The following ITCH variants were observed in gnomAD, a reference collection of about 807,000 sequenced individuals.
ITCH encodes itchy E3 ubiquitin protein ligase.
ITCH carries 28 observed loss-of-function variants against 126.8 expected under a neutral mutation model. The ratio of observed to expected loss-of-function variants is 0.22; its 90% CI spans 0.16 to 0.30. ITCH has a LOEUF of 0.30. Among genes scored for constraint, ITCH ranks in the 10% least tolerant of loss-of-function variants. ITCH has a pLI of 1.00. For synonymous variants in ITCH, 342 were observed against 340.0 expected, an observed-to-expected ratio of 1.01 and a Z score of -0.06; for missense variants, 631 against 1,032.4, an observed-to-expected ratio of 0.61 and a Z score of 5.33.
At chr20:34,392,872 C>A (rs912572692) in intron 2 of ITCH, among the ~76,000 whole-genome samples, 6 of 152,088 alleles carry the variant, frequency 3.9e-5, no homozygotes, top group African/African-American at 7.2e-5. Context: ...AGGACCCCCC[C>A]AGCCCGGGAG....
chr20:34,454,085 A>C (rs1330381244), intron 12 of ITCH, among the ~76,000 whole-genome samples: 1 of 152,024 alleles, frequency 6.6e-6, no homozygotes, highest in African/African-American at 2.4e-5. Context: ...ACATGAACTT[A>C]TCTTGCTGTT....
chr20:34,375,425 A>G (rs770112736), intron 2 of ITCH, among the ~76,000 whole-genome samples: 2 of 151,180 alleles, frequency 1.3e-5, no homozygotes, highest in Non-Finnish European at 2.9e-5. Context: ...CCATTCCACA[A>G]CATGTACATA....
chr20:34,409,242 G>T (rs374600185), intron 4 of ITCH, among the ~76,000 whole-genome samples: 1 of 149,988 alleles, frequency 6.7e-6, no homozygotes, highest in Non-Finnish European at 1.5e-5. Flanking sequence ...ACCCAAGCTG[G>T]AGTATAGTGG....
rs528544631 is a variant in ITCH, at chr20:34,399,477, T to C, written c.70+5596T>C. ...GGGATAACTGGTCAGGAAAAAGAGA[T>C]CAGTATTTGACTAGAGTCACTGGGA... On this transcript the variant is annotated intron_variant, in intron 3 of 24. Coordinates refer to ENST00000374864, the MANE Select transcript of ITCH (RefSeq NM_031483.7). Among the ~76,000 whole-genome samples the C allele has an allele frequency of 3.9e-5, 6 of 152,172 alleles. No individual in the cohort carries two copies. In the South Asian group the frequency reaches 1.2e-3, roughly 32 times the overall value.
At chr20:34,381,459 C>A (rs905253577) in intron 2 of ITCH, among the ~76,000 whole-genome samples, 1 of 150,172 alleles carries the variant, frequency 6.7e-6, no homozygotes, top group Non-Finnish European at 1.5e-5. Context: ...TGGAGTCTTG[C>A]TTTGTCGCCC....
rs1978610268 is a variant in ITCH, at chr20:34,510,083, T to G, written c.*2289T>G. 6.6e-6 allele frequency: 1 copy of G among 152,582 alleles called. No homozygotes were observed. Among genetic ancestry groups the G allele is most frequent in the African/African-American group, 2.4e-5 (1 of 41,438 alleles). 9.5% of individuals were successfully genotyped at this position (152,582 alleles called of 1,614,324 possible). Reference sequence around the variant, plus strand: ...TTCTATAGGGCTTGGCTATTTAATATTTTTATGGAAGAAGTGTTTAGTTCT... The same window carrying G: ...TTCTATAGGGCTTGGCTATTTAATAGTTTTATGGAAGAAGTGTTTAGTTCT... On this transcript the variant is annotated 3_prime_UTR_variant, in exon 25 of 25. Transcript: ENST00000374864.
rs2037821293 is a variant in ITCH, at chr20:34,375,774, AGGCCAAG to A, written c.-22+6306_-22+6312del. Among the ~76,000 whole-genome samples, 3 of 115,038 alleles carry A rather than the reference AGGCCAAG, an allele frequency of 2.6e-5. No homozygotes were observed. In the South Asian group the frequency reaches 9.2e-4, roughly 35 times the overall value. The allele number at this position is 115,038 out of a possible 152,430, so 75.5% of individuals were successfully genotyped here. On this transcript the variant is annotated intron_variant, in intron 2 of 24. Transcript: ENST00000374864. ...ACTTCTATAATCCCAGCACTTTGGG[AGGCCAAG>A]GTGATAGGATTGCTTGAGCCTCGGA...
intron 13 of ITCH, among the ~76,000 whole-genome samples, chr20:34,459,161 G>A (rs1335822088): frequency 6.6e-6 from 1 of 152,188 alleles, no homozygotes; most frequent in East Asian, 1.9e-4. Flanking sequence ...TAGAAGTACT[G>A]AGAACTCATT....
At chr20:34,507,569 T>C in intron 24 of ITCH, 126 bp from the exon 25 acceptor site, 1 of 736,336 alleles carries the variant, frequency 1.4e-6, no homozygotes, top group Non-Finnish European at 2.4e-6. Flanking sequence ...ACTTTCTTGA[T>C]GGTATCCTTT....
intron 16 of ITCH, among the ~76,000 whole-genome samples, chr20:34,473,592 A>G (rs1987852381): frequency 6.6e-6 from 1 of 152,260 alleles, no homozygotes; most frequent in Non-Finnish European, 1.5e-5. Flanking sequence ...AGAAATCAGC[A>G]TTGTTTTTCA....
chr20:34,366,050 G>A (rs1350874022), intron 1 of ITCH, among the ~76,000 whole-genome samples: 1 of 152,078 alleles, frequency 6.6e-6, no homozygotes. Flanking sequence ...CCCACATTGG[G>A]TCTTACATGA....
chr20:34,479,547 A>T, intron 17 of ITCH, 83 bp from the exon 18 acceptor site: 3 of 1,129,742 alleles, frequency 2.7e-6, no homozygotes, highest in Non-Finnish European at 4.0e-6. Flanking sequence ...AGGGGTATAG[A>T]TCCCTGAGAA....
At chr20:34,429,091 C>G (rs1182808386) in intron 7 of ITCH, among the ~76,000 whole-genome samples, 2 of 152,150 alleles carry the variant, frequency 1.3e-5, no homozygotes, top group African/African-American at 4.8e-5. Context: ...GCATGCACCA[C>G]CACGCCCAGC....
chr20:34,424,810 A>T lies in ITCH; in HGVS notation c.521+285A>T, dbSNP rs143111689. ...GCAGGGTGTTCTAAACTCCAGAGCC[A>T]TCATTGGGCTGTTAAGTTTCTTTTC... On this transcript the variant is annotated intron_variant, in intron 7 of 24. Coordinates refer to ENST00000374864, the MANE Select transcript of ITCH (RefSeq NM_031483.7). 3.5e-3 allele frequency among the ~76,000 whole-genome samples: 530 copies of T among 152,314 alleles called. 2 individuals are homozygous for T. The highest frequency in any genetic ancestry group is 0.012 in the African/African-American group (506 of 41,574).
rs200486269 is a variant in ITCH at position 34,454,817 on chromosome 20, GTTTTTT to G, written c.1211-2549_1211-2544del. ...ACCAATTTTTCTTTTTTCTTTTCCT[GTTTTTT>G]TTTTTTTTTTTTTTTTTTTTTTTGA... On this transcript the variant is annotated intron_variant, in intron 12 of 24. Coordinates refer to ENST00000374864, the MANE Select transcript of ITCH (RefSeq NM_031483.7). 2.0e-3 allele frequency among the ~76,000 whole-genome samples: 220 copies of G among 109,496 alleles called. 1 individual carries two copies. The highest frequency in any genetic ancestry group is 7.9e-3 in the African/African-American group (207 of 26,338). 71.8% of individuals were successfully genotyped at this position (109,496 alleles called of 152,430 possible). A position where few individuals can be genotyped will look rare whatever the true frequency, so the allele number is the denominator to read the frequency against.
intron 24 of ITCH, among the ~76,000 whole-genome samples, chr20:34,506,777 G>C (rs1990644885): frequency 6.6e-6 from 1 of 152,042 alleles, no homozygotes; most frequent in South Asian, 2.1e-4. Flanking sequence ...TTCTACTACT[G>C]TTTCTATGAT....
intron 2 of ITCH, among the ~76,000 whole-genome samples, chr20:34,379,007 A>G (rs2037952848): frequency 6.6e-6 from 1 of 152,094 alleles, no homozygotes; most frequent in East Asian, 1.9e-4. Context: ...TTTTGGAGGA[A>G]AGCTATTTAC....
At position 34,457,406 on chromosome 20, in the gene ITCH, C is replaced by A; in HGVS notation, c.1227C>A (p.Ser409Arg). Residue 409 changes from serine (S) to arginine (R), a missense_variant, in exon 13 of 25, where the codon AGC (serine) becomes AGA (arginine). Ser to Arg is a moderately radical substitution (Grantham distance 110). Coordinates refer to ENST00000374864, the MANE Select transcript of ITCH (RefSeq NM_031483.7). The part of the protein sequence containing the change: ...LPPGWEKRTD[S>R]NGRVYFVNHN... ...TTCCCAAAGAGAAGAGAACAGACAG[C>A]AATGGCAGAGTATATTTCGTCAACC... 1 of 1,613,402 alleles carries A rather than the reference C, an allele frequency of 6.2e-7. No homozygotes were observed. Among genetic ancestry groups the A allele is most frequent in the South Asian group, 1.1e-5 (1 of 91,024 alleles).
At chr20:34,436,363 A>C (rs561923439) in intron 7 of ITCH, among the ~76,000 whole-genome samples, 1 of 152,186 alleles carries the variant, frequency 6.6e-6, no homozygotes, top group Non-Finnish European at 1.5e-5. Flanking sequence ...TTTTTGGTCT[A>C]TTCTACTCAT....
Sources: allele counts gnomAD v4.1 joint callset (sites outside exome capture counted in the v4.1 genomes callset), GRCh38; gene constraint gnomAD v4.1.1; transcripts MANE v1.5; gene names NCBI Gene and HGNC (gene_info 2026-07-23, HGNC 2026-07-21).